Variants in MEGF6 observed in about 807,000 individuals in gnomAD.
MEGF6 encodes the protein multiple epidermal growth factor-like domains protein 6.
MEGF6 carries 184 observed loss-of-function variants against 207.1 expected under a neutral mutation model. That is an observed-to-expected ratio of 0.89 (90% CI 0.79 to 1.00). MEGF6 has a LOEUF of 1.00. Ranked by LOEUF, MEGF6 falls within the 50% of genes least tolerant of loss-of-function variation. MEGF6 has a pLI of 0.00. For missense variants in MEGF6, 2,282 were observed against 2,202.9 expected, an observed-to-expected ratio of 1.04 and a Z score of -0.72; for synonymous variants, 1,038 against 910.0, an observed-to-expected ratio of 1.14 and a Z score of -2.53.
At chr1:3,491,786 G>GGGT (rs1315701730) in intron 35 of MEGF6, among the ~76,000 whole-genome samples, 1 of 139,972 alleles carries the variant, frequency 7.1e-6, no homozygotes, top group African/African-American at 2.8e-5. Context: ...GGGGGGGGGG[G>GGGT]TGCGGGCAGC....
chr1:3,543,524 G>C (rs1339051922), intron 4 of MEGF6, among the ~76,000 whole-genome samples: 1 of 152,212 alleles, frequency 6.6e-6, no homozygotes, highest in Admixed American at 6.5e-5. Context: ...CGGTGACTCG[G>C]AGCCCTAGCC....
intron 5 of MEGF6, among the ~76,000 whole-genome samples, chr1:3,521,069 G>A (rs1221097578): frequency 1.3e-5 from 2 of 152,164 alleles, no homozygotes; most frequent in East Asian, 1.9e-4. Flanking sequence ...GCCCGTGGGG[G>A]CATGTTCCTT....
chr1:3,542,210 C>T (rs1642551822), intron 4 of MEGF6, among the ~76,000 whole-genome samples: 1 of 152,212 alleles, frequency 6.6e-6, no homozygotes, highest in East Asian at 1.9e-4. Context: ...AGCCCTCGGG[C>T]CTGGATGGGT....
rs927499481 is a variant in MEGF6, at chr1:3,498,770, C to T, written c.3151G>A (p.Gly1051Arg). The T allele has an allele frequency of 5.1e-6, 8 of 1,558,016 alleles. No homozygotes were observed. The East Asian group carries it at 1.2e-4, about 23-fold the overall frequency. Residue 1051 changes from glycine to arginine, a missense_variant, in exon 25 of 37, where the codon GGA (glycine) becomes AGA (arginine). By Grantham distance (125) the Gly-to-Arg change is moderately radical (BLOSUM62 -2). Transcript: ENST00000356575. ...CCTGAGACAGGGTCACAGGTCCCTC[C>T]GTTCTGGCAGAGGCAGGAATGCCGA... ...NCRHSCLCQN[G>R]GTCDPVSGHC...
chr1:3,514,353 C>A (rs548662203), intron 7 of MEGF6, among the ~76,000 whole-genome samples, 197 bp downstream of exon 7: 3 of 152,312 alleles, frequency 2.0e-5, no homozygotes, highest in East Asian at 1.9e-4. Context: ...GCAGCTTTTG[C>A]GAGCCTTCCT....
At chr1:3,558,525 C>T (rs552745185) in intron 4 of MEGF6, among the ~76,000 whole-genome samples, 9 of 152,264 alleles carry the variant, frequency 5.9e-5, no homozygotes, top group East Asian at 1.9e-4. Flanking sequence ...CTTCCTGCCC[C>T]GACTTCCCTT....
rs565583114 is a variant in MEGF6, at chr1:3,575,659, AG to A, written c.481+4165del. ...CTTACATGGATGGCAGCAGGCAAAG[AG>A]AGAGAGCTTGTGCGGGGAAACTCCC... On this transcript the variant is annotated intron_variant, in intron 4 of 36. Coordinates refer to ENST00000356575, the MANE Select transcript of MEGF6 (RefSeq NM_001409.4). Among the ~76,000 whole-genome samples, 1,138 of 152,034 alleles carry A rather than the reference AG, an allele frequency of 7.5e-3. 10 individuals are homozygous for A. Among genetic ancestry groups the A allele is most frequent in the Middle Eastern group, 0.014 (4 of 294 alleles).
At chr1:3,619,501 A>G in the MEGF6 span, among the ~76,000 whole-genome samples, 1 of 152,168 alleles carries the variant, frequency 6.6e-6, no homozygotes. Context: ...GTGTCGAGAG[A>G]GGGGCCTGGT....
At chr1:3,576,755 C>T (rs1283316358) in intron 4 of MEGF6, among the ~76,000 whole-genome samples, 1 of 150,310 alleles carries the variant, frequency 6.7e-6, no homozygotes, top group African/African-American at 2.5e-5. Flanking sequence ...CCTGCATGCC[C>T]AGCCCTGCAC....
At chr1:3,612,159 G>A (rs974527521), upstream of MEGF6, among the ~76,000 whole-genome samples, 1 of 152,214 alleles carries the variant, frequency 6.6e-6, no homozygotes, top group African/African-American at 2.4e-5. Flanking sequence ...CTGCATTGTT[G>A]GTTCCCAACC....
chr1:3,611,302 C>G lies in MEGF6; in HGVS notation c.-34G>C. On this transcript the variant is annotated 5_prime_UTR_variant, in exon 1 of 37. An upstream open reading frame in the 5' UTR loses its in-frame stop. Transcript: ENST00000356575. Reference sequence around the variant, plus strand: ...CCGGTGCCTCCTCCGCTCTCCGGCTCACAGGCGGCCCCGGCGGCTCCCCGG... The same window carrying G: ...CCGGTGCCTCCTCCGCTCTCCGGCTGACAGGCGGCCCCGGCGGCTCCCCGG... 1 of 1,416,882 alleles carries G rather than the reference C, an allele frequency of 7.1e-7. No individual in the cohort carries two copies. Among genetic ancestry groups the G allele is most frequent in the Non-Finnish European group, 9.2e-7 (1 of 1,091,884 alleles). The allele number at this position is 1,416,882 out of a possible 1,614,324, so 87.8% of individuals were successfully genotyped here.
chr1:3,490,226 C>T lies in MEGF6; in HGVS notation c.*302G>A, dbSNP rs1280079297. 3 of 472,924 alleles carry T rather than the reference C, an allele frequency of 6.3e-6. No homozygotes were observed. Among genetic ancestry groups the T allele is most frequent in the Non-Finnish European group, 7.5e-6 (2 of 267,378 alleles). The allele number at this position is 472,924 out of a possible 1,614,324, so 29.3% of individuals were successfully genotyped here. ...CTGGCGCCCACACCTGTCCTCAGTCCAACTCAGAGCCGCGGGGAGAGCGGG... is the reference window on the plus strand; with the variant it reads ...CTGGCGCCCACACCTGTCCTCAGTCTAACTCAGAGCCGCGGGGAGAGCGGG... On this transcript the variant is annotated 3_prime_UTR_variant, in exon 37 of 37. Coordinates refer to ENST00000356575, the MANE Select transcript of MEGF6 (RefSeq NM_001409.4).
Position 3,500,695 on chromosome 1 carries a change from C to A in MEGF6, c.2645G>T (p.Cys882Phe). 1.3e-6 allele frequency: 2 copies of A among 1,583,766 alleles called. No individual in the cohort carries two copies. Among genetic ancestry groups the A allele is most frequent in the African/African-American group, 1.3e-5 (1 of 74,368 alleles). ...PCNCSAGHGS[C>F]DAISGLCLCE... Reference sequence around the variant, plus strand: ...CAGACACAGGCCGCTGATGGCATCACAGCTCCCGTGGCCAGCGCTGCAGTT... The same window carrying A: ...CAGACACAGGCCGCTGATGGCATCAAAGCTCCCGTGGCCAGCGCTGCAGTT... Residue 882 changes from cysteine (C) to phenylalanine (F), a missense_variant, in exon 21 of 37, where the codon TGT becomes TTT. Coordinates refer to ENST00000356575, the MANE Select transcript of MEGF6 (RefSeq NM_001409.4).
rs1275648222 is a variant in MEGF6 at position 3,568,538 on chromosome 1, T to G, written c.481+11287A>C. Among the ~76,000 whole-genome samples the G allele has an allele frequency of 3.3e-5, 5 of 152,052 alleles. No homozygotes were observed. In the East Asian group the frequency reaches 9.7e-4, roughly 29 times the overall value. On this transcript the variant is annotated intron_variant, in intron 4 of 36. Coordinates refer to ENST00000356575, the MANE Select transcript of MEGF6 (RefSeq NM_001409.4). ...TTCTTCAGGATGGGGGCCCATCACCTGCACCCCAAGCAGCTCTCCCCAGCA... is the reference window on the plus strand; with the variant it reads ...TTCTTCAGGATGGGGGCCCATCACCGGCACCCCAAGCAGCTCTCCCCAGCA...
At position 3,515,541 on chromosome 1, in the gene MEGF6, G is replaced by A. The variant is rs200949627; in HGVS notation, c.605-14C>T. 1,360 of 1,610,298 alleles carry A rather than the reference G, an allele frequency of 8.4e-4. 14 individuals are homozygous for A. The highest frequency in any genetic ancestry group is 5.7e-3 in the South Asian group (521 of 91,016). ...AGGAGTTAATGGCTGGGGACACAGG[G>A]AGGACCCCAAGTCAGCCCAAGAGGA... is the stretch of plus-strand genomic sequence containing the variant. On this transcript the variant is annotated splice_polypyrimidine_tract_variant and intron_variant, in intron 5 of 36. Transcript: ENST00000356575.
chr1:3,493,529 T>C (rs1640464952), intron 34 of MEGF6: 1 of 574,046 alleles, frequency 1.7e-6, no homozygotes, highest in Admixed American at 3.4e-5. Context: ...ATGGCCTTCC[T>C]GGGACGTTGT....
chr1:3,496,658 G>A lies in MEGF6; in HGVS notation c.3739C>T (p.Leu1247Phe). ...PTGFLGTDCNLTCPQGRFGPN... is the reference protein window; with the variant it reads ...PTGFLGTDCNFTCPQGRFGPN... ...ACTGCTGCCACCAGCCACTCACTGA[G>A]GTTGCAGTCCGTCCCGAGGAACCCA... Residue 1247 changes from leucine to phenylalanine, a missense_variant, in exon 29 of 37, where the codon CTC becomes TTC. By Grantham distance (22) the Leu-to-Phe change is conservative (BLOSUM62 0). Coordinates refer to ENST00000356575, the MANE Select transcript of MEGF6 (RefSeq NM_001409.4). 9.5e-6 allele frequency: 15 copies of A among 1,576,020 alleles called. No homozygotes were observed. Among genetic ancestry groups the A allele is most frequent in the Non-Finnish European group, 1.3e-5 (15 of 1,161,348 alleles).
At chr1:3,603,238 C>A (rs969251304) in intron 1 of MEGF6, among the ~76,000 whole-genome samples, 23 of 152,202 alleles carry the variant, frequency 1.5e-4, no homozygotes, top group African/African-American at 3.1e-4. Context: ...CAGGGACAGG[C>A]ACCTTAAGCC....
At chr1:3,590,501 C>T (rs976540130) in intron 3 of MEGF6, among the ~76,000 whole-genome samples, 14 of 152,228 alleles carry the variant, frequency 9.2e-5, no homozygotes, top group African/African-American at 1.7e-4. Flanking sequence ...CCCACCGCCC[C>T]GCCCGGCACT....
Sources: gnomAD v4.1 joint callset for allele counts (sites outside exome capture counted in the v4.1 genomes callset) on GRCh38, gnomAD v4.1.1 for gene constraint, MANE v1.5 for transcripts, NCBI Gene and HGNC (gene_info 2026-07-23, HGNC 2026-07-21) for gene names.